Variants in DNM3 observed in about 807,000 individuals in gnomAD.
The protein encoded by DNM3 is dynamin-3.
Under a neutral mutation model 101.6 loss-of-function variants are expected in DNM3, and 47 were observed. That is an observed-to-expected ratio of 0.46 (90% CI 0.37 to 0.59). The LOEUF is 0.59. Ranked by LOEUF, DNM3 falls within the 20% of genes least tolerant of loss-of-function variation. The pLI is 0.00. For missense variants in DNM3, 849 were observed against 1,085.7 expected, an observed-to-expected ratio of 0.78 and a Z score of 3.06; for synonymous variants, 385 against 387.9, an observed-to-expected ratio of 0.99 and a Z score of 0.09.
Position 172,068,889 on chromosome 1 carries a change from G to A in DNM3, c.1406G>A (p.Gly469Glu), listed in dbSNP as rs1249298818. ...GCTAACCACATTCGTGAGCGAGAAGGGAAGACAAAGGACCAGGTAAAGAGA... is the reference window on the plus strand; with the variant it reads ...GCTAACCACATTCGTGAGCGAGAAGAGAAGACAAAGGACCAGGTAAAGAGA... ...IVANHIRERE[G>E]KTKDQVLLLI... The change falls in exon 11 of 21, where the codon GGG becomes GAG. Residue 469 changes from glycine to glutamate, a missense_variant. Coordinates refer to ENST00000627582, the MANE Select transcript of DNM3 (RefSeq NM_015569.5). The A allele has an allele frequency of 6.4e-7, 1 of 1,563,058 alleles. No individual in the cohort carries two copies. Among genetic ancestry groups the A allele is most frequent in the South Asian group, 1.2e-5 (1 of 84,588 alleles).
chr1:171,954,022 A>T (rs1226014331), intron 2 of DNM3, among the ~76,000 whole-genome samples: 1 of 152,172 alleles, frequency 6.6e-6, no homozygotes, highest in Non-Finnish European at 1.5e-5. Flanking sequence ...TGTGGGCTCA[A>T]CCTAGCACAT....
chr1:172,380,646 C>T (rs2149060649), intron 18 of DNM3: 1 of 152,086 alleles, frequency 6.6e-6, no homozygotes, highest in South Asian at 2.1e-4. Context: ...CAGTGAGGTA[C>T]CTCACAGAGC....
chr1:171,968,143 T>C (rs2043723306), intron 2 of DNM3, among the ~76,000 whole-genome samples: 2 of 152,224 alleles, frequency 1.3e-5, no homozygotes, highest in Admixed American at 1.3e-4. Flanking sequence ...AATGTATACA[T>C]GTGCTAAACA....
At chr1:171,920,457 G>A (rs961323648) in intron 1 of DNM3, among the ~76,000 whole-genome samples, 8 of 152,196 alleles carry the variant, frequency 5.3e-5, no homozygotes, top group African/African-American at 1.4e-4. Flanking sequence ...TACAAATGCT[G>A]CATGCCTTCC....
intron 16 of DNM3, 74 bp from the exon 17 acceptor site, chr1:172,323,255 A>G: frequency 2.1e-6 from 3 of 1,459,636 alleles, no homozygotes; most frequent in Non-Finnish European, 2.8e-6. Flanking sequence ...AGTAGAAGAA[A>G]AAACCCTCAT....
intron 1 of DNM3, among the ~76,000 whole-genome samples, chr1:171,858,161 T>C (rs753145106): frequency 8.5e-5 from 13 of 152,194 alleles, no homozygotes; most frequent in Admixed American, 3.9e-4. Flanking sequence ...TTTTTGCTAA[T>C]TAAATTGTTG....
intron 14 of DNM3, among the ~76,000 whole-genome samples, chr1:172,197,886 T>A (rs2060011614): frequency 6.6e-6 from 1 of 152,134 alleles, no homozygotes; most frequent in Non-Finnish European, 1.5e-5. Flanking sequence ...CTCGTTGTAT[T>A]TGGATGCGCT....
intron 17 of DNM3, among the ~76,000 whole-genome samples, chr1:172,371,870 A>G (rs1470354367): frequency 6.9e-6 from 1 of 145,732 alleles, no homozygotes; most frequent in Non-Finnish European, 1.5e-5. Context: ...TTTTATTTTT[A>G]TTTTTTATTT....
intron 15 of DNM3, among the ~76,000 whole-genome samples, chr1:172,283,889 G>T (rs954693498): frequency 6.6e-6 from 1 of 151,918 alleles, no homozygotes; most frequent in Non-Finnish European, 1.5e-5. Context: ...AAAGTGCTAT[G>T]TTGTCTCCTT....
chr1:172,316,729 A>T (rs1486677981), intron 16 of DNM3, among the ~76,000 whole-genome samples: 1 of 152,120 alleles, frequency 6.6e-6, no homozygotes, highest in Non-Finnish European at 1.5e-5. Context: ...GAGCACCCAG[A>T]TTCATAAAGC....
intron 17 of DNM3, among the ~76,000 whole-genome samples, chr1:172,344,577 G>A (rs1386184599): frequency 6.6e-6 from 1 of 152,156 alleles, no homozygotes; most frequent in Non-Finnish European, 1.5e-5. Context: ...TTTCCCAGTG[G>A]CTATAAGAAG....
At chr1:172,215,955 CTCTTTAAAAAAA>C (rs2060679808) in intron 14 of DNM3, among the ~76,000 whole-genome samples, 1 of 134,194 alleles carries the variant, frequency 7.5e-6, no homozygotes, top group Admixed American at 7.5e-5. Flanking sequence ...TCTTAACACT[CTCTTTAAAAAAA>C]AAAGAAAGAA....
intron 20 of DNM3, chr1:172,399,939 G>A (rs1458749828): frequency 6.6e-6 from 1 of 150,584 alleles, no homozygotes; most frequent in Non-Finnish European, 1.5e-5. Flanking sequence ...AAAAAAAAAG[G>A]AAAAGGAAAG....
chr1:172,412,018 A>G lies in DNM3; in HGVS notation c.*4177A>G. 1 of 985,140 alleles carries G rather than the reference A, an allele frequency of 1.0e-6. No individual in the cohort carries two copies. The highest frequency in any genetic ancestry group is 1.2e-6 in the Non-Finnish European group (1 of 829,734). 61.0% of individuals were successfully genotyped at this position (985,140 alleles called of 1,614,324 possible). ...GAAACTTTAAGAATATTTTTGAAGCATATGTAATATATGCACTGCTATTTG... is the reference window on the plus strand; with the variant it reads ...GAAACTTTAAGAATATTTTTGAAGCGTATGTAATATATGCACTGCTATTTG... On this transcript the variant is annotated 3_prime_UTR_variant, in exon 21 of 21. Transcript: ENST00000627582.
chr1:172,410,694 CT>C lies in DNM3; in HGVS notation c.*2854del, dbSNP rs2071156366. On this transcript the variant is annotated 3_prime_UTR_variant, in exon 21 of 21. Coordinates refer to ENST00000627582, the MANE Select transcript of DNM3 (RefSeq NM_015569.5). The stretch of plus-strand genomic sequence containing the variant: ...TTATAACATAGACGAGCAGTAGGGT[CT>C]GTTTATTAGCAAATTTCCTATTTGT... 2.0e-6 allele frequency: 2 copies of C among 985,326 alleles called. No homozygotes were observed. The highest frequency in any genetic ancestry group is 2.4e-6 in the Non-Finnish European group (2 of 829,834). The allele number at this position is 985,326 out of a possible 1,614,324, so 61.0% of individuals were successfully genotyped here.
At position 171,929,878 on chromosome 1, in the gene DNM3, G is replaced by T. The variant is rs552688435; in HGVS notation, c.235+8057G>T. Among the ~76,000 whole-genome samples, 3 of 152,302 alleles carry T rather than the reference G, an allele frequency of 2.0e-5. No homozygotes were observed. The South Asian group carries it at 6.2e-4, about 32-fold the overall frequency. On this transcript the variant is annotated intron_variant, in intron 2 of 20. Transcript: ENST00000627582. ...AGCAGCTGTGATGTGCTGAAGGACG[G>T]CTTTTCCCCCCAGTTGGCTTGGACT...
intron 2 of DNM3, among the ~76,000 whole-genome samples, chr1:171,983,481 G>C (rs575375567): frequency 6.6e-6 from 1 of 151,966 alleles, no homozygotes; most frequent in South Asian, 2.1e-4. Flanking sequence ...CATGTTGGCA[G>C]GGTTTGATGG....
intron 17 of DNM3, among the ~76,000 whole-genome samples, chr1:172,356,243 G>A (rs935441702): frequency 1.3e-5 from 2 of 152,052 alleles, no homozygotes; most frequent in African/African-American, 2.4e-5. Flanking sequence ...AAAGAAGTGG[G>A]TAAACATTTA....
intron 6 of DNM3, among the ~76,000 whole-genome samples, chr1:172,036,446 G>C (rs1015812863): frequency 1.2e-4 from 18 of 151,782 alleles, no homozygotes; most frequent in Non-Finnish European, 2.6e-4. Flanking sequence ...CCAAAACAGA[G>C]ATATAGATCA....
Sources: allele counts gnomAD v4.1 joint callset (sites outside exome capture counted in the v4.1 genomes callset), GRCh38; gene constraint gnomAD v4.1.1; transcripts MANE v1.5; gene names NCBI Gene and HGNC (gene_info 2026-07-23, HGNC 2026-07-21).